The following ASCC3 variants were observed in gnomAD, a reference collection of about 807,000 sequenced individuals.
ASCC3 encodes the protein ASC-1 complex subunit P200.
A neutral mutation model predicts 256.3 loss-of-function variants in ASCC3; 158 were observed. That is an observed-to-expected ratio of 0.62 (90% CI 0.54 to 0.70). ASCC3 has a LOEUF of 0.70. ASCC3 is among the 30% of genes least tolerant of loss of function. The pLI is 0.00. For synonymous variants in ASCC3, 948 were observed against 883.4 expected (o/e 1.07, Z -1.30); for missense variants, 2,259 against 2,626.0 (o/e 0.86, Z 3.05).
chr6:100,879,672 TA>T (rs1278550761), intron 1 of ASCC3, among the ~76,000 whole-genome samples: 28 of 152,286 alleles, frequency 1.8e-4, no homozygotes, highest in African/African-American at 6.5e-4. Context: ...TTTATTTATT[TA>T]TTTTTTTTGA....
At chr6:100,855,712 A>G (rs1180346976) in intron 3 of ASCC3, among the ~76,000 whole-genome samples, 2 of 152,174 alleles carry the variant, frequency 1.3e-5, no homozygotes, top group Admixed American at 6.5e-5. Context: ...ATAACATTTA[A>G]CCCATAGAAG....
intron 4 of ASCC3, among the ~76,000 whole-genome samples, chr6:100,824,892 GT>G (rs1181754208): frequency 6.6e-6 from 1 of 152,032 alleles, no homozygotes; most frequent in African/African-American, 2.4e-5. Context: ...TAAAGGATTA[GT>G]TTTTTGTTTC....
At chr6:100,807,089 A>G (rs1046872509) in intron 4 of ASCC3, among the ~76,000 whole-genome samples, 1 of 151,870 alleles carries the variant, frequency 6.6e-6, no homozygotes, top group African/African-American at 2.4e-5. Flanking sequence ...CTATATTAAC[A>G]CTGTTGAATA....
chr6:100,581,403 G>A lies in ASCC3; in HGVS notation c.5550+8231C>T, dbSNP rs865795696. Among the ~76,000 whole-genome samples the A allele has an allele frequency of 7.3e-3, 1,112 of 152,100 alleles. 8 individuals are homozygous for A. Among genetic ancestry groups the A allele is most frequent in the Middle Eastern group, 0.017 (5 of 294 alleles). ...CTTCTTTTGAGAAGTGTCTGTTCAT[G>A]TCCTTCACCCACTTTTTGATGGGGT... On this transcript the variant is annotated intron_variant, in intron 36 of 41. Coordinates refer to ENST00000369162, the MANE Select transcript of ASCC3 (RefSeq NM_006828.4).
chr6:100,574,789 C>T (rs1770773380), intron 36 of ASCC3, among the ~76,000 whole-genome samples: 1 of 151,938 alleles, frequency 6.6e-6, no homozygotes, highest in Non-Finnish European at 1.5e-5. Flanking sequence ...AACCTATAAT[C>T]TACTAAATCA....
At position 100,628,093 on chromosome 6, in the gene ASCC3, A is replaced by C. The variant is rs1375233952; in HGVS notation, c.4376-106T>G. ...GTAGCTTCCTCAAAAAACAAAAACA[A>C]AAAAAAAAACAAAAAAAAAGCTAAA... On this transcript the variant is annotated intron_variant, in intron 27 of 41. Coordinates refer to ENST00000369162, the MANE Select transcript of ASCC3 (RefSeq NM_006828.4). The C allele has an allele frequency of 8.5e-5, 97 of 1,139,308 alleles. No homozygotes were observed. The African/African-American group carries it at 1.2e-3, about 14-fold the overall frequency. The allele number at this position is 1,139,308 out of a possible 1,614,324, so 70.6% of individuals were successfully genotyped here. A position where few individuals can be genotyped will look rare whatever the true frequency, so the allele number is the denominator to read the frequency against.
chr6:100,703,667 G>A (rs973937179), intron 13 of ASCC3, among the ~76,000 whole-genome samples: 3 of 151,822 alleles, frequency 2.0e-5, no homozygotes, highest in Admixed American at 1.3e-4. Context: ...CTATGATGGT[G>A]ATATTTTCTT....
chr6:100,515,348 T>TA (rs1424071516), intron 39 of ASCC3, among the ~76,000 whole-genome samples: 1 of 152,204 alleles, frequency 6.6e-6, no homozygotes, highest in African/African-American at 2.4e-5. Context: ...TAATGCCTGT[T>TA]ACACTTTTTC....
chr6:100,793,838 C>G (rs1769470558), intron 8 of ASCC3, among the ~76,000 whole-genome samples: 1 of 151,968 alleles, frequency 6.6e-6, no homozygotes, highest in African/African-American at 2.4e-5. Flanking sequence ...AGGGGTCTTG[C>G]TCCTAACTAA....
intron 4 of ASCC3, among the ~76,000 whole-genome samples, chr6:100,841,967 C>G (rs1428021913): frequency 6.6e-6 from 1 of 152,168 alleles, no homozygotes; most frequent in African/African-American, 2.4e-5. Flanking sequence ...AAATACCACA[C>G]TGGATGGAGA....
chr6:100,814,008 G>C (rs1427119810), intron 4 of ASCC3, among the ~76,000 whole-genome samples: 1 of 152,096 alleles, frequency 6.6e-6, no homozygotes, highest in Non-Finnish European at 1.5e-5. Context: ...GGACATCCTT[G>C]TCTTGTGCCA....
intron 4 of ASCC3, among the ~76,000 whole-genome samples, chr6:100,827,878 T>C (rs1227555799): frequency 6.6e-6 from 1 of 151,314 alleles, no homozygotes; most frequent in Non-Finnish European, 1.5e-5. Flanking sequence ...TTTAACAAAA[T>C]GGATTTTCAC....
chr6:100,686,254 AGAGTAT>A (rs1777559912), intron 13 of ASCC3, among the ~76,000 whole-genome samples: 1 of 152,216 alleles, frequency 6.6e-6, no homozygotes, highest in Admixed American at 6.5e-5. Context: ...GTTGTTTATT[AGAGTAT>A]AATTTTGCTC....
chr6:100,695,863 G>T (rs1250024360), intron 13 of ASCC3, among the ~76,000 whole-genome samples: 1 of 152,294 alleles, frequency 6.6e-6, no homozygotes, highest in Admixed American at 6.5e-5. Context: ...AGATAGACCA[G>T]TGGAGAGTTA....
At chr6:100,632,556 T>C (rs746122270) in intron 25 of ASCC3, among the ~76,000 whole-genome samples, 3 of 152,122 alleles carry the variant, frequency 2.0e-5, no homozygotes, top group African/African-American at 4.8e-5. Flanking sequence ...TCACATTTCC[T>C]GGTTTCAAAT....
At chr6:100,642,838 C>T (rs919842097) in intron 23 of ASCC3, 89 bp from the exon 24 acceptor site, 5 of 1,186,478 alleles carry the variant, frequency 4.2e-6, no homozygotes, top group Non-Finnish European at 4.9e-6. Context: ...GGTATCTCTA[C>T]AAGATATACT....
intron 10 of ASCC3, among the ~76,000 whole-genome samples, chr6:100,729,964 C>T (rs995603138): frequency 3.3e-5 from 5 of 151,932 alleles, no homozygotes; most frequent in Admixed American, 2.6e-4. Flanking sequence ...ATCTCAGGAG[C>T]CATTGATTCC....
chr6:100,585,809 T>C (rs1771628766), intron 36 of ASCC3, among the ~76,000 whole-genome samples: 1 of 152,238 alleles, frequency 6.6e-6, no homozygotes, highest in Non-Finnish European at 1.5e-5. Context: ...GACAGGACCC[T>C]CAGCTGCAGG....
chr6:100,646,463 ACC>A (rs1238197747), intron 22 of ASCC3, 150 bp downstream of exon 22: 31 of 791,426 alleles, frequency 3.9e-5, no homozygotes, highest in Non-Finnish European at 4.9e-5. Context: ...GGTGCCCACC[ACC>A]ATGCCCGGCT....
Sources: gnomAD v4.1 joint callset for allele counts (sites outside exome capture counted in the v4.1 genomes callset) on GRCh38, gnomAD v4.1.1 for gene constraint, MANE v1.5 for transcripts, NCBI Gene and HGNC (gene_info 2026-07-23, HGNC 2026-07-21) for gene names.